RRM2B: variants seen among roughly 807,000 people sequenced by gnomAD.
RRM2B encodes ribonucleoside-diphosphate reductase subunit M2 B.
A neutral mutation model predicts 45.9 loss-of-function variants in RRM2B; 20 were observed. The observed-to-expected ratio is 0.44, with a 90% CI of 0.31 to 0.63. RRM2B has a LOEUF of 0.63. Ranked by LOEUF, RRM2B falls within the 30% of genes least tolerant of loss-of-function variation. The pLI is 0.09. For missense variants in RRM2B, 320 were observed against 414.7 expected (o/e 0.77, Z 1.98); for synonymous variants, 124 against 132.3 (o/e 0.94, Z 0.43).
At chr8:102,219,040 G>A in intron 5 of RRM2B, 93 bp from the exon 6 acceptor site, 1 of 1,350,250 alleles carries the variant, frequency 7.4e-7, no homozygotes, top group African/African-American at 1.5e-5. Context: ...TACCACAACT[G>A]TTTGCAAAGA....
At chr8:102,208,603 C>G (rs1163649514) in intron 8 of RRM2B, among the ~76,000 whole-genome samples, 1 of 152,028 alleles carries the variant, frequency 6.6e-6, no homozygotes, top group Non-Finnish European at 1.5e-5. Flanking sequence ...TTGAGATATC[C>G]AATACACCAT....
At position 102,204,672 on chromosome 8, in the gene RRM2B, A is replaced by AGGCTT. The variant is rs1810513274; in HGVS notation, c.*3456_*3460dup. The AGGCTT allele has an allele frequency of 6.6e-6, 1 of 152,230 alleles. No homozygotes were observed. Among genetic ancestry groups the AGGCTT allele is most frequent in the Admixed American group, 6.5e-5 (1 of 15,286 alleles). The allele number at this position is 152,230 out of a possible 1,614,324, so 9.4% of individuals were successfully genotyped here. On this transcript the variant is annotated 3_prime_UTR_variant, in exon 9 of 9. Coordinates refer to ENST00000251810, the MANE Select transcript of RRM2B (RefSeq NM_015713.5). ...AAAAAAAAACAAATTCTGTACATGC[A>AGGCTT]GGCTTGGCTTGATTGACCATAATGT...
intron 5 of RRM2B, among the ~76,000 whole-genome samples, chr8:102,220,256 C>G (rs1810807550): frequency 2.0e-5 from 3 of 152,036 alleles, no homozygotes; most frequent in African/African-American, 7.2e-5. Context: ...ATCATCATCA[C>G]TATTCTTAAG....
chr8:102,232,017 C>A, intron 2 of RRM2B, 132 bp downstream of exon 2: 1 of 859,236 alleles, frequency 1.2e-6, no homozygotes, highest in Non-Finnish European at 1.9e-6. Flanking sequence ...TATTTAGTCT[C>A]AGTAATTCCA....
chr8:102,209,918 TGCAGAATAGGCAAATCTACAGAC>T (rs945773076), intron 8 of RRM2B, among the ~76,000 whole-genome samples: 21 of 152,326 alleles, frequency 1.4e-4, no homozygotes, highest in Non-Finnish European at 2.2e-4. Flanking sequence ...AAATAGAATA[TGCAGAATAGGCAAATCTACAGAC>T]GCAGAATAGG....
intron 6 of RRM2B, among the ~76,000 whole-genome samples, chr8:102,216,290 T>A (rs1195204546): frequency 6.6e-6 from 1 of 151,984 alleles, no homozygotes; most frequent in Admixed American, 6.5e-5. Context: ...TTATGCTAAA[T>A]CCTACTTTAC....
intron 5 of RRM2B, among the ~76,000 whole-genome samples, chr8:102,222,750 T>C (rs2132553077): frequency 6.6e-6 from 1 of 152,320 alleles, no homozygotes; most frequent in African/African-American, 2.4e-5. Context: ...CAAAGGCAGA[T>C]ATGGTACTCC....
chr8:102,221,174 T>A (rs966466639), intron 5 of RRM2B, among the ~76,000 whole-genome samples: 4 of 152,148 alleles, frequency 2.6e-5, no homozygotes, highest in Non-Finnish European at 4.4e-5. Context: ...ATTAGGAAAA[T>A]TTTTGCTCTA....
chr8:102,224,184 T>C, intron 4 of RRM2B, 44 bp from the exon 5 acceptor site: 1 of 1,368,458 alleles, frequency 7.3e-7, no homozygotes, highest in Non-Finnish European at 1.0e-6. Flanking sequence ...TCACTTGTTT[T>C]TCTTTTTTTT....
chr8:102,222,080 AT>A (rs5893602), intron 5 of RRM2B, among the ~76,000 whole-genome samples: 626 of 143,086 alleles, frequency 4.4e-3, no homozygotes, highest in African/African-American at 4.4e-3. Context: ...TCCTATTTAA[AT>A]TTTTTTTTTT....
rs147810336 is a variant in RRM2B at position 102,233,428 on chromosome 8, G to A, written c.49-1124C>T. ...ACAGCACTTGAGCCCTGGAGAAGAGGAACCAATTTTTATTTGTTGTGATGT... is the reference window on the plus strand; with the variant it reads ...ACAGCACTTGAGCCCTGGAGAAGAGAAACCAATTTTTATTTGTTGTGATGT... On this transcript the variant is annotated intron_variant, in intron 1 of 8. Coordinates refer to ENST00000251810, the MANE Select transcript of RRM2B (RefSeq NM_015713.5). 5.7e-3 allele frequency among the ~76,000 whole-genome samples: 868 copies of A among 152,274 alleles called. 7 individuals carry two copies. Among genetic ancestry groups the A allele is most frequent in the Middle Eastern group, 0.024 (7 of 294 alleles).
At chr8:102,220,168 G>A (rs1026966220) in intron 5 of RRM2B, among the ~76,000 whole-genome samples, 4 of 152,170 alleles carry the variant, frequency 2.6e-5, no homozygotes, top group Admixed American at 2.6e-4. Context: ...GAGCCCAGGA[G>A]GTCAAGGCTG....
intron 2 of RRM2B, among the ~76,000 whole-genome samples, chr8:102,230,771 A>T (rs1225409176): frequency 2.0e-5 from 3 of 152,250 alleles, no homozygotes; most frequent in African/African-American, 7.2e-5. Flanking sequence ...CCTTCTGTGC[A>T]TAAAATAATA....
chr8:102,214,461 A>T (rs188615751), intron 6 of RRM2B: 11 of 313,588 alleles, frequency 3.5e-5, no homozygotes, highest in African/African-American at 2.2e-4. Flanking sequence ...TAAAGCAAGA[A>T]AGCCTGAAAT....
chr8:102,216,528 T>G (rs760742425), intron 6 of RRM2B, among the ~76,000 whole-genome samples: 2 of 152,286 alleles, frequency 1.3e-5, no homozygotes, highest in East Asian at 1.9e-4. Context: ...AAAGGTGTAC[T>G]TGTTGAAAGG....
In RRM2B at chr8:102,226,032, G is replaced by A. The variant is rs28999710; in HGVS notation, c.207C>T (p.Val69=). 0.034 allele frequency: 53,556 copies of A among 1,585,052 alleles called. 1,130 individuals carry two copies. Among genetic ancestry groups the A allele is most frequent in the Non-Finnish European group, 0.039 (44,460 of 1,153,940 alleles). The change falls in exon 3 of 9, where the codon GTC becomes GTT. Residue 69 remains valine (V), a splice_region_variant and synonymous_variant. Coordinates refer to ENST00000251810, the MANE Select transcript of RRM2B (RefSeq NM_015713.5). Reference sequence around the variant, plus strand: ...AGTGAGGGAGATCCTTTGATAAGTCGACCTGGAATAAAAAGATTTTCAAAA... The same window carrying A: ...AGTGAGGGAGATCCTTTGATAAGTCAACCTGGAATAAAAAGATTTTCAAAA... ...AQASFWTAEE[V]DLSKDLPHWN... is the part of the protein sequence containing the mutation.
chr8:102,226,711 A>C (rs961050098), intron 2 of RRM2B, among the ~76,000 whole-genome samples: 13 of 152,082 alleles, frequency 8.5e-5, no homozygotes, highest in Non-Finnish European at 1.8e-4. Flanking sequence ...GGCAGGTAAC[A>C]ACCTGAGTTT....
chr8:102,221,439 G>C (rs1344585839), intron 5 of RRM2B, among the ~76,000 whole-genome samples: 1 of 152,146 alleles, frequency 6.6e-6, no homozygotes, highest in Non-Finnish European at 1.5e-5. Context: ...ATCAGTTCAT[G>C]AAACAGCACT....
Position 102,226,021 on chromosome 8 carries a change from T to C in RRM2B, c.218A>G (p.Lys73Arg). The change falls in exon 3 of 9, where the codon AAG becomes AGG. Residue 73 changes from lysine (K) to arginine (R), a missense_variant. This residue lies in a region of RRM2B where 225 missense variants were observed against 289.4 expected (regional missense o/e 0.78). Transcript: ENST00000251810. Reference protein sequence around the residue: ...FWTAEEVDLSKDLPHWNKLKA... With the variant: ...FWTAEEVDLSRDLPHWNKLKA... ...AAGCTTGTTCCAGTGAGGGAGATCC[T>C]TTGATAAGTCGACCTGGAATAAAAA... 6.2e-7 allele frequency: 1 copy of C among 1,603,106 alleles called. No individual in the cohort carries two copies. Among genetic ancestry groups the C allele is most frequent in the Non-Finnish European group, 8.5e-7 (1 of 1,170,128 alleles).
Sources: allele counts gnomAD v4.1 joint callset (sites outside exome capture counted in the v4.1 genomes callset), GRCh38; gene constraint gnomAD v4.1.1; regional missense constraint gnomAD v4.1.1; transcripts MANE v1.5; gene names NCBI Gene and HGNC (gene_info 2026-07-23, HGNC 2026-07-21).